The following RIT2 variants were observed in gnomAD, a reference collection of about 807,000 sequenced individuals.
RIT2 encodes the protein Ras like without CAAX 2.
RIT2 carries 24 observed loss-of-function variants against 23.7 expected under a neutral mutation model. The ratio of observed to expected loss-of-function variants is 1.01; its 90% CI spans 0.73 to 1.43. The LOEUF is 1.43. Ranked by LOEUF, RIT2 falls within the 40% of genes most tolerant of loss-of-function variation. The probability of loss-of-function intolerance (pLI) is 0.00; values close to 1 mark genes in which losing one functional copy is unlikely to be tolerated. For synonymous variants in RIT2, 107 were observed against 91.1 expected (o/e 1.17, Z -0.99); for missense variants, 236 against 266.9 (o/e 0.88, Z 0.81).
At chr18:42,768,674 A>C (rs1050533709) in intron 4 of RIT2, among the ~76,000 whole-genome samples, 14 of 152,132 alleles carry the variant, frequency 9.2e-5, no homozygotes, top group Non-Finnish European at 7.3e-5. Flanking sequence ...TGTTTTAGGA[A>C]AGATATCCCA....
chr18:42,859,957 T>TA (rs977425465), intron 4 of RIT2, among the ~76,000 whole-genome samples: 6 of 151,650 alleles, frequency 4.0e-5, no homozygotes, highest in African/African-American at 1.5e-4. Flanking sequence ...AGAGCCCCTC[T>TA]ACACATTTCA....
At position 42,743,405 on chromosome 18, in the gene RIT2, A is replaced by G; in HGVS notation, c.*88T>C. 1 of 928,338 alleles carries G rather than the reference A, an allele frequency of 1.1e-6. No individual in the cohort carries two copies. The highest frequency in any genetic ancestry group is 1.7e-6 in the Non-Finnish European group (1 of 583,028). 57.5% of individuals were successfully genotyped at this position (928,338 alleles called of 1,614,324 possible). ...GATATTTAAAGAGAGAGAGACACAT[A>G]GAGAGATAATATTGAAGCAGAATGC... On this transcript the variant is annotated 3_prime_UTR_variant, in exon 5 of 5. Transcript: ENST00000326695.
intron 4 of RIT2, among the ~76,000 whole-genome samples, chr18:42,774,344 A>C (rs2143920368): frequency 6.6e-6 from 1 of 152,242 alleles, no homozygotes; most frequent in South Asian, 2.1e-4. Flanking sequence ...ATTTAACTAC[A>C]GGGGGAAAGT....
Position 42,936,696 on chromosome 18 carries a change from C to T in RIT2, c.235-12933G>A, listed in dbSNP as rs555316973. Reference sequence around the variant, plus strand: ...CATTCTTTACTCCGCCTTCATATCACGGTGAGTACATGTGATGTAATTATG... The same window carrying T: ...CATTCTTTACTCCGCCTTCATATCATGGTGAGTACATGTGATGTAATTATG... On this transcript the variant is annotated intron_variant, in intron 3 of 4. Coordinates refer to ENST00000326695, the MANE Select transcript of RIT2 (RefSeq NM_002930.4). 1.2e-4 allele frequency among the ~76,000 whole-genome samples: 19 copies of T among 152,240 alleles called. No individual in the cohort carries two copies. The East Asian group carries it at 2.7e-3, about 22-fold the overall frequency.
At chr18:43,012,215 A>C (rs1215912008) in intron 2 of RIT2, among the ~76,000 whole-genome samples, 2 of 151,876 alleles carry the variant, frequency 1.3e-5, no homozygotes, top group Non-Finnish European at 2.9e-5. Context: ...ATTACTATGC[A>C]AAGGTCAAGA....
chr18:42,842,867 C>T (rs980254430), intron 4 of RIT2, among the ~76,000 whole-genome samples: 6 of 152,106 alleles, frequency 3.9e-5, no homozygotes, highest in Admixed American at 2.6e-4. Context: ...TATAATTTGT[C>T]AAACCTGAAA....
chr18:42,886,777 G>T (rs1335275273), intron 4 of RIT2, among the ~76,000 whole-genome samples: 1 of 152,170 alleles, frequency 6.6e-6, no homozygotes, highest in African/African-American at 2.4e-5. Context: ...AGAAATGACA[G>T]TAGCAAGATT....
intron 4 of RIT2, among the ~76,000 whole-genome samples, chr18:42,879,002 A>G (rs1252234581): frequency 6.6e-6 from 1 of 152,046 alleles, no homozygotes; most frequent in Non-Finnish European, 1.5e-5. Context: ...TTATGTTTCT[A>G]TGTACTTACC....
At chr18:42,883,137 A>C (rs528960688) in intron 4 of RIT2, among the ~76,000 whole-genome samples, 2 of 151,836 alleles carry the variant, frequency 1.3e-5, no homozygotes, top group African/African-American at 4.8e-5. Context: ...TGTGCACGAG[A>C]GTGTGTGTGC....
intron 4 of RIT2, among the ~76,000 whole-genome samples, chr18:42,829,792 A>G (rs1048074704): frequency 3.3e-5 from 5 of 152,202 alleles, no homozygotes; most frequent in Non-Finnish European, 7.3e-5. Context: ...ATAAGAGTAG[A>G]AATAGCAAAA....
At chr18:42,961,771 C>G (rs1910098684) in intron 3 of RIT2, among the ~76,000 whole-genome samples, 1 of 152,168 alleles carries the variant, frequency 6.6e-6, no homozygotes, top group African/African-American at 2.4e-5. Flanking sequence ...AAACAGCAAT[C>G]ATTTTTCTTT....
intron 1 of RIT2, among the ~76,000 whole-genome samples, chr18:43,095,763 C>T (rs1229481303): frequency 6.6e-6 from 1 of 151,918 alleles, no homozygotes; most frequent in Non-Finnish European, 1.5e-5. Flanking sequence ...TAAGTATTAA[C>T]TCAAATGACA....
chr18:42,857,347 G>T (rs754669940), intron 4 of RIT2, among the ~76,000 whole-genome samples: 5 of 151,998 alleles, frequency 3.3e-5, no homozygotes, highest in African/African-American at 4.8e-5. Flanking sequence ...TTTTCTCTAT[G>T]TGATTCTTTT....
intron 4 of RIT2, among the ~76,000 whole-genome samples, chr18:42,808,460 A>G (rs1905746781): frequency 6.6e-6 from 1 of 152,222 alleles, no homozygotes; most frequent in South Asian, 2.1e-4. Context: ...TTCTGTCTTT[A>G]AAGACGAAAC....
chr18:42,905,718 C>T (rs1908594711), intron 4 of RIT2, among the ~76,000 whole-genome samples: 2 of 151,926 alleles, frequency 1.3e-5, no homozygotes, highest in African/African-American at 4.8e-5. Flanking sequence ...GGTGATCTGC[C>T]CACCTTGGCC....
At chr18:42,969,826 A>T (rs930917113) in intron 3 of RIT2, among the ~76,000 whole-genome samples, 1 of 151,992 alleles carries the variant, frequency 6.6e-6, no homozygotes, top group Non-Finnish European at 1.5e-5. Context: ...TTTATCTTTA[A>T]TTTTTTATTT....
intron 3 of RIT2, among the ~76,000 whole-genome samples, chr18:42,927,593 T>C (rs539626083): frequency 6.6e-6 from 1 of 152,152 alleles, no homozygotes; most frequent in African/African-American, 2.4e-5. Context: ...CTGTTTGATG[T>C]ATCCTGAATG....
chr18:42,814,428 A>C (rs1905937783), intron 4 of RIT2, among the ~76,000 whole-genome samples: 1 of 152,064 alleles, frequency 6.6e-6, no homozygotes. Flanking sequence ...GAGCTAGGTG[A>C]AGCCTGTGAC....
intron 2 of RIT2, among the ~76,000 whole-genome samples, chr18:43,032,821 T>G (rs374387224): frequency 1.0e-3 from 156 of 152,262 alleles, no homozygotes; most frequent in African/African-American, 3.6e-3. Flanking sequence ...TGGGGCCTTT[T>G]GGGAAAGAAT....
Sources: allele counts gnomAD v4.1 joint callset (sites outside exome capture counted in the v4.1 genomes callset), GRCh38; gene constraint gnomAD v4.1.1; transcripts MANE v1.5; gene names NCBI Gene and HGNC (gene_info 2026-07-23, HGNC 2026-07-21).